Variants in GALNTL6 observed in about 807,000 individuals in gnomAD.
The protein encoded by GALNTL6 is polypeptide N-acetylgalactosaminyltransferase like 6.
In GALNTL6, 46 loss-of-function variants were observed where a neutral mutation model predicts 73.7. The observed-to-expected ratio is 0.62, with a 90% CI of 0.49 to 0.80. The LOEUF is 0.80. Among genes scored for constraint, GALNTL6 ranks in the 30% least tolerant of loss-of-function variants. The pLI is 0.00. For missense variants in GALNTL6, 604 were observed against 755.0 expected, an observed-to-expected ratio of 0.80 and a Z score of 2.34; for synonymous variants, 259 against 263.7, an observed-to-expected ratio of 0.98 and a Z score of 0.17.
At chr4:172,675,155 T>C (rs1368510981) in intron 5 of GALNTL6, among the ~76,000 whole-genome samples, 1 of 152,100 alleles carries the variant, frequency 6.6e-6, no homozygotes, top group African/African-American at 2.4e-5. Context: ...TTTTCTTTTG[T>C]CCTATGATGA....
At chr4:172,033,312 A>G (rs73870134) in intron 2 of GALNTL6, among the ~76,000 whole-genome samples, 3,930 of 152,184 alleles carry the variant, frequency 0.026, 123 homozygotes, top group East Asian at 0.091. Context: ...AATATATTCT[A>G]TAAATATAAA....
chr4:172,301,819 A>T (rs931784231), intron 3 of GALNTL6, among the ~76,000 whole-genome samples: 1 of 152,074 alleles, frequency 6.6e-6, no homozygotes, highest in African/African-American at 2.4e-5. Context: ...GGGTTCAGGG[A>T]CCCACTTGAG....
At chr4:172,610,910 T>A (rs1738503040) in intron 5 of GALNTL6, among the ~76,000 whole-genome samples, 1 of 152,138 alleles carries the variant, frequency 6.6e-6, no homozygotes, top group South Asian at 2.1e-4. Context: ...TGGGTATTCT[T>A]GTTGAATTAA....
chr4:172,817,339 G>A (rs760386037), intron 7 of GALNTL6, among the ~76,000 whole-genome samples: 1 of 151,972 alleles, frequency 6.6e-6, no homozygotes, highest in South Asian at 2.1e-4. Flanking sequence ...GCTGAGGTGG[G>A]AGGATCACCT....
At chr4:172,457,689 G>A (rs1732448848) in intron 5 of GALNTL6, among the ~76,000 whole-genome samples, 1 of 152,076 alleles carries the variant, frequency 6.6e-6, no homozygotes, top group Non-Finnish European at 1.5e-5. Flanking sequence ...CCCAATACAG[G>A]AGCACCCAGA....
At chr4:172,949,614 A>T (rs867532182) in intron 9 of GALNTL6, among the ~76,000 whole-genome samples, 1 of 152,152 alleles carries the variant, frequency 6.6e-6, no homozygotes, top group Non-Finnish European at 1.5e-5. Context: ...AATCCTCATT[A>T]AAAAATTTGG....
intron 5 of GALNTL6, among the ~76,000 whole-genome samples, chr4:172,362,192 T>C (rs1742393484): frequency 6.6e-6 from 1 of 152,170 alleles, no homozygotes; most frequent in Non-Finnish European, 1.5e-5. Context: ...GCAGAGGCAC[T>C]ATCTTCAGAG....
Position 172,197,835 on chromosome 4 carries a change from C to A in GALNTL6, c.139-31821C>A, listed in dbSNP as rs59054809. On this transcript the variant is annotated intron_variant, in intron 2 of 12. Transcript: ENST00000506823. ...ATATAAAACCCAAAACTAGGCCGGA[C>A]GCGGTGGCTCACACCTGTAATCCCA... Among the ~76,000 whole-genome samples the A allele has an allele frequency of 2.6e-5, 4 of 152,060 alleles. No individual in the cohort carries two copies. The South Asian group carries it at 6.2e-4, about 24-fold the overall frequency.
rs146150814 is a variant in GALNTL6, at chr4:172,847,531, C to T, written c.923+33808C>T. Among the ~76,000 whole-genome samples the T allele has an allele frequency of 4.2e-4, 64 of 151,890 alleles. No homozygotes were observed. The East Asian group carries it at 0.01, about 24-fold the overall frequency. ...ATTATTATTTTATTCTAAGTAATTC[C>T]GTTGCTGAAACATTTAATCCTACTT... On this transcript the variant is annotated intron_variant, in intron 7 of 12. Coordinates refer to ENST00000506823, the MANE Select transcript of GALNTL6 (RefSeq NM_001034845.3).
At chr4:172,145,447 G>A (rs148543089) in intron 2 of GALNTL6, among the ~76,000 whole-genome samples, 88 of 152,048 alleles carry the variant, frequency 5.8e-4, no homozygotes, top group African/African-American at 2.0e-3. Flanking sequence ...TAGAGACCAC[G>A]TTGTCCAGGC....
intron 7 of GALNTL6, among the ~76,000 whole-genome samples, chr4:172,856,092 T>G (rs1489097936): frequency 6.6e-6 from 1 of 152,196 alleles, no homozygotes; most frequent in East Asian, 1.9e-4. Context: ...TGAAAACAGC[T>G]TCATCAGTTG....
intron 8 of GALNTL6, among the ~76,000 whole-genome samples, chr4:172,915,973 T>C (rs1279797854): frequency 6.6e-6 from 1 of 152,164 alleles, no homozygotes; most frequent in Non-Finnish European, 1.5e-5. Context: ...ATACCCCTGA[T>C]GAACAGTGAT....
chr4:172,789,404 T>C (rs550203925), intron 5 of GALNTL6, among the ~76,000 whole-genome samples: 58 of 152,338 alleles, frequency 3.8e-4, no homozygotes, highest in South Asian at 6.2e-4. Flanking sequence ...TAAAATATTA[T>C]GAGATTTTTT....
chr4:171,978,223 T>A lies in GALNTL6; in HGVS notation c.138+163505T>A, dbSNP rs1026985122. ...TTGTGACATATTTACCATTTTAAAA[T>A]ATTCTAGGAATATGTGAGTTGTTAT... On this transcript the variant is annotated intron_variant, in intron 2 of 12. Transcript: ENST00000506823. 2.0e-5 allele frequency among the ~76,000 whole-genome samples: 3 copies of A among 151,702 alleles called. No individual in the cohort carries two copies. The South Asian group carries it at 6.2e-4, about 31-fold the overall frequency.
intron 3 of GALNTL6, among the ~76,000 whole-genome samples, chr4:172,302,732 T>G (rs2626622): frequency 0.96 from 146,601 of 152,140 alleles, 70,871 homozygotes; most frequent in East Asian, 1. Flanking sequence ...TGTTCACCTG[T>G]GCCTGGAGTT....
intron 5 of GALNTL6, among the ~76,000 whole-genome samples, chr4:172,632,893 A>G (rs879752525): frequency 2.0e-4 from 31 of 152,348 alleles, no homozygotes; most frequent in African/African-American, 6.3e-4. Context: ...AGGGGCGAAC[A>G]TACAGCTCAG....
rs1183681701 is a variant in GALNTL6 at position 172,850,364 on chromosome 4, C to G, written c.924-32426C>G. Among the ~76,000 whole-genome samples the G allele has an allele frequency of 3.9e-5, 6 of 152,238 alleles. No individual in the cohort carries two copies. In the East Asian group the frequency reaches 1.2e-3, roughly 29 times the overall value. ...TCACTTATAGAACCAGTCTATAGAG[C>G]AGGATAACTATGGATTACACTTGAC... On this transcript the variant is annotated intron_variant, in intron 7 of 12. Transcript: ENST00000506823.
intron 2 of GALNTL6, among the ~76,000 whole-genome samples, chr4:171,947,402 GC>G (rs1738736134): frequency 6.6e-6 from 1 of 152,118 alleles, no homozygotes; most frequent in South Asian, 2.1e-4. Context: ...GTTAACTTTT[GC>G]CTGCCTTACC....
chr4:172,311,502 T>G, intron 3 of GALNTL6, 112 bp from the exon 4 acceptor site: 1 of 754,788 alleles, frequency 1.3e-6, no homozygotes, highest in African/African-American at 1.8e-5. Flanking sequence ...TACTAGCTCC[T>G]TCTGCAGAGC....
Sources: allele counts gnomAD v4.1 joint callset (sites outside exome capture counted in the v4.1 genomes callset), GRCh38; gene constraint gnomAD v4.1.1; transcripts MANE v1.5; gene names NCBI Gene and HGNC (gene_info 2026-07-23, HGNC 2026-07-21).